The following DNM3 variants were observed in gnomAD, a reference collection of about 807,000 sequenced individuals.
The protein encoded by DNM3 is dynamin-3.
Under a neutral mutation model 101.6 loss-of-function variants are expected in DNM3, and 47 were observed. The ratio of observed to expected loss-of-function variants is 0.46; its 90% confidence interval spans 0.37 to 0.59. The LOEUF (loss-of-function observed/expected upper bound fraction) is 0.59. Among genes scored for constraint, DNM3 ranks in the 20% least tolerant of loss-of-function variants. The pLI, the probability that DNM3 is intolerant of heterozygous loss-of-function variation, is 0.00. For missense variants in DNM3, 849 were observed against 1,085.7 expected (o/e 0.78, Z 3.06); for synonymous variants, 385 against 387.9 (o/e 0.99, Z 0.09).
intron 14 of DNM3, among the ~76,000 whole-genome samples, chr1:172,196,590 A>G (rs572756632): frequency 6.6e-6 from 1 of 152,150 alleles, no homozygotes; most frequent in African/African-American, 2.4e-5. Flanking sequence ...CTTTTTAATA[A>G]TAGCCATGCT....
At chr1:171,856,853 A>C (rs742508) in intron 1 of DNM3, among the ~76,000 whole-genome samples, 2,191 of 152,248 alleles carry the variant, frequency 0.014, 60 homozygotes, top group African/African-American at 0.048. Flanking sequence ...GATGCCATTT[A>C]TTTCTTTCTC....
At chr1:172,134,214 T>C (rs2057098298) in intron 14 of DNM3, among the ~76,000 whole-genome samples, 1 of 152,162 alleles carries the variant, frequency 6.6e-6, no homozygotes, top group Non-Finnish European at 1.5e-5. Flanking sequence ...ACAGCTATGA[T>C]TGAGTCACTA....
At chr1:172,195,350 A>G (rs1449120996) in intron 14 of DNM3, among the ~76,000 whole-genome samples, 2 of 151,924 alleles carry the variant, frequency 1.3e-5, no homozygotes, top group Non-Finnish European at 2.9e-5. Flanking sequence ...TTCTACATAC[A>G]CAATTATGGC....
chr1:172,275,442 T>C (rs1157363017), intron 15 of DNM3, among the ~76,000 whole-genome samples: 1 of 152,032 alleles, frequency 6.6e-6, no homozygotes, highest in Non-Finnish European at 1.5e-5. Context: ...GTCTGCTTCT[T>C]TATAGTGCCT....
intron 15 of DNM3, 23 bp from the exon 16 acceptor site, chr1:172,308,705 A>AT (rs200321314): frequency 0.017 from 19,966 of 1,203,860 alleles, no homozygotes; most frequent in South Asian, 0.02. Context: ...TAAAAGCATG[A>AT]TTTTTTTTTT....
chr1:171,924,428 G>T (rs946909422), intron 2 of DNM3, among the ~76,000 whole-genome samples: 1 of 152,166 alleles, frequency 6.6e-6, no homozygotes, highest in Non-Finnish European at 1.5e-5. Context: ...TTTTATAAAA[G>T]AAAGAGGTTT....
At chr1:172,287,764 A>G (rs1156808728) in intron 15 of DNM3, among the ~76,000 whole-genome samples, 1 of 149,568 alleles carries the variant, frequency 6.7e-6, no homozygotes, top group Non-Finnish European at 1.5e-5. Context: ...TAAGGAAAAA[A>G]GTATTTATAA....
chr1:172,262,998 A>G (rs1286285848), intron 15 of DNM3, among the ~76,000 whole-genome samples: 1 of 152,210 alleles, frequency 6.6e-6, no homozygotes, highest in East Asian at 1.9e-4. Context: ...GAGGCAATTG[A>G]TAATTCTTTT....
chr1:172,303,359 C>A (rs2064572912), intron 15 of DNM3, among the ~76,000 whole-genome samples: 1 of 152,150 alleles, frequency 6.6e-6, no homozygotes, highest in East Asian at 1.9e-4. Flanking sequence ...ATGAACAAAG[C>A]ATCAAAGAAA....
intron 13 of DNM3, among the ~76,000 whole-genome samples, chr1:172,097,363 G>T (rs1348961506): frequency 6.6e-6 from 1 of 151,622 alleles, no homozygotes; most frequent in Non-Finnish European, 1.5e-5. Context: ...TCACACCACT[G>T]CACTCCAGCC....
chr1:172,299,133 G>C (rs1475431586), intron 15 of DNM3, among the ~76,000 whole-genome samples: 1 of 152,184 alleles, frequency 6.6e-6, no homozygotes, highest in Non-Finnish European at 1.5e-5. Flanking sequence ...TGCAGGCAGA[G>C]AGCAGCATAT....
intron 13 of DNM3, among the ~76,000 whole-genome samples, chr1:172,112,513 T>C (rs1237673318): frequency 6.6e-6 from 1 of 152,230 alleles, no homozygotes; most frequent in African/African-American, 2.4e-5. Context: ...TCTGAGTGAT[T>C]CTTTCATCAC....
intron 1 of DNM3, among the ~76,000 whole-genome samples, chr1:171,898,427 A>T (rs2038000699): frequency 6.6e-6 from 1 of 152,270 alleles, no homozygotes; most frequent in African/African-American, 2.4e-5. Context: ...CAGGATACAG[A>T]TACAAGTGAT....
intron 1 of DNM3, among the ~76,000 whole-genome samples, chr1:171,873,923 A>T (rs74126515): frequency 0.12 from 17,823 of 152,202 alleles, 1,234 homozygotes; most frequent in South Asian, 0.23. Context: ...CTTTTCTGAT[A>T]TGACATTATT....
At chr1:171,911,655 G>A (rs566527882) in intron 1 of DNM3, among the ~76,000 whole-genome samples, 2 of 152,210 alleles carry the variant, frequency 1.3e-5, no homozygotes, top group South Asian at 2.1e-4. Context: ...CCCTATCCAC[G>A]CTCTTCTTTT....
At chr1:172,156,614 C>CCCT (rs145351187) in intron 14 of DNM3, among the ~76,000 whole-genome samples, 18 of 151,644 alleles carry the variant, frequency 1.2e-4, no homozygotes, top group Non-Finnish European at 2.5e-4. Flanking sequence ...CTCCTCCTTT[C>CCCT]CCTCCTCCTC....
At position 172,087,160 on chromosome 1, in the gene DNM3, T is replaced by A. The variant is rs2053589099; in HGVS notation, c.1493+5258T>A. On this transcript the variant is annotated intron_variant, in intron 12 of 20. Coordinates refer to ENST00000627582, the MANE Select transcript of DNM3 (RefSeq NM_015569.5). Reference sequence around the variant, plus strand: ...TTCATTTGACACCACCGTTAATCACTCCTTCTTGAAGAGATCTGTTCCTTT... The same window carrying A: ...TTCATTTGACACCACCGTTAATCACACCTTCTTGAAGAGATCTGTTCCTTT... 1.3e-5 allele frequency among the ~76,000 whole-genome samples: 2 copies of A among 152,178 alleles called. 1 individual carries two copies. The highest frequency in any genetic ancestry group is 4.1e-4 in the South Asian group (2 of 4,828).
chr1:171,872,312 A>G (rs1032572325), intron 1 of DNM3, among the ~76,000 whole-genome samples: 4 of 152,062 alleles, frequency 2.6e-5, no homozygotes, highest in African/African-American at 9.7e-5. Context: ...CTTCTTTGTT[A>G]TCTCCCACCC....
At chr1:172,308,886 T>G in intron 16 of DNM3, 47 bp downstream of exon 16, 4 of 1,122,974 alleles carry the variant, frequency 3.6e-6, no homozygotes, top group Non-Finnish European at 5.2e-6. Flanking sequence ...TAGCTATGCT[T>G]AAGAAAATAT....
Sources: gnomAD v4.1 joint callset for allele counts (sites outside exome capture counted in the v4.1 genomes callset) on GRCh38, gnomAD v4.1.1 for gene constraint, MANE v1.5 for transcripts, NCBI Gene and HGNC (gene_info 2026-07-23, HGNC 2026-07-21) for gene names.